FSIP1: variants seen among roughly 807,000 people sequenced by gnomAD.
FSIP1 encodes the protein fibrous sheath interacting protein 1, also known as fibrous sheath-interacting protein 1.
FSIP1 carries 65 observed loss-of-function variants against 60.9 expected under a neutral mutation model. The observed-to-expected ratio is 1.07, with a 90% CI of 0.87 to 1.31. The LOEUF is 1.31. Ranked by LOEUF, FSIP1 falls within the 40% of genes most tolerant of loss-of-function variation. The probability of loss-of-function intolerance (pLI) is 0.00; values close to 1 mark genes in which losing one functional copy is unlikely to be tolerated. For synonymous variants in FSIP1, 209 were observed against 221.2 expected, an observed-to-expected ratio of 0.94 and a Z score of 0.49; for missense variants, 675 against 665.5, an observed-to-expected ratio of 1.01 and a Z score of -0.16.
intron 2 of FSIP1, 40 bp from the exon 3 acceptor site, chr15:39,770,650 CT>C: frequency 7.6e-7 from 1 of 1,315,690 alleles, no homozygotes; most frequent in Non-Finnish European, 1.0e-6. Context: ...TCCGAAAATA[CT>C]GTCTTTTTTT....
chr15:39,643,089 T>C (rs1892444532), intron 10 of FSIP1, among the ~76,000 whole-genome samples: 1 of 152,224 alleles, frequency 6.6e-6, no homozygotes, highest in African/African-American at 2.4e-5. Context: ...ATTAATCCTT[T>C]GCACCTGAGG....
chr15:39,777,725 A>G (rs964367806), intron 1 of FSIP1, among the ~76,000 whole-genome samples: 1 of 152,200 alleles, frequency 6.6e-6, no homozygotes, highest in Non-Finnish European at 1.5e-5. Context: ...GCCCTCTCAT[A>G]CTCGGATTTA....
rs771270662 is a variant in FSIP1 at position 39,630,800 on chromosome 15, G to A, written c.1189-12555C>T. Among the ~76,000 whole-genome samples the A allele has an allele frequency of 6.6e-5, 10 of 151,970 alleles. No homozygotes were observed. In the East Asian group the frequency reaches 1.2e-3, roughly 18 times the overall value. On this transcript the variant is annotated intron_variant, in intron 10 of 11. Transcript: ENST00000350221. The stretch of plus-strand genomic sequence containing the variant: ...CAAGAGTTAGTTAAACTCCTTTTTC[G>A]AGGGGGAGCACCTGGCAGCAGCATG...
rs891257099 is a variant in FSIP1, at chr15:39,776,322, G to A, written c.126+77C>T. ...CTAAGGAGAAAATTTAAAATGGGAT[G>A]TTAACAACAACCTTAGTTTCATCAA... On this transcript the variant is annotated intron_variant, in intron 2 of 11. Transcript: ENST00000350221. 5.0e-6 allele frequency: 7 copies of A among 1,404,238 alleles called. No homozygotes were observed. In the African/African-American group the frequency reaches 7.2e-5, roughly 14 times the overall value. 87.0% of individuals were successfully genotyped at this position (1,404,238 alleles called of 1,614,324 possible).
At chr15:39,720,941 G>C (rs1342360851) in intron 9 of FSIP1, among the ~76,000 whole-genome samples, 2 of 152,210 alleles carry the variant, frequency 1.3e-5, no homozygotes, top group Non-Finnish European at 2.9e-5. Context: ...ACTACAGAAA[G>C]AGCAGTAATA....
At chr15:39,731,802 T>C (rs1566905586) in intron 8 of FSIP1, among the ~76,000 whole-genome samples, 2 of 152,178 alleles carry the variant, frequency 1.3e-5, no homozygotes, top group South Asian at 4.1e-4. Flanking sequence ...GACTCAATAC[T>C]ACTAGATGTG....
At chr15:39,709,947 T>A (rs2140544149) in intron 10 of FSIP1, among the ~76,000 whole-genome samples, 1 of 152,266 alleles carries the variant, frequency 6.6e-6, no homozygotes, top group Admixed American at 6.5e-5. Context: ...GGGGGACCCC[T>A]GCTCTAAGAA....
In FSIP1 at chr15:39,776,506, T is replaced by C. The variant is rs1898069835; in HGVS notation, c.19A>G (p.Asn7Asp). The C allele has an allele frequency of 1.2e-6, 2 of 1,611,666 alleles. No homozygotes were observed. The highest frequency in any genetic ancestry group is 1.7e-6 in the Non-Finnish European group (2 of 1,178,170). Residue 7 changes from asparagine to aspartate, a missense_variant, in exon 2 of 12, where the codon AAC (asparagine) becomes GAC (aspartate). Physicochemically the swap from Asn to Asp is conservative, Grantham distance 23. Coordinates refer to ENST00000350221, the MANE Select transcript of FSIP1 (RefSeq NM_152597.5). The stretch of plus-strand genomic sequence containing the variant: ...GCTGGTTTTGAAATTCCATCTAGGT[T>C]TCCCTTTATAATATCCATTGAAATC... MDIIKGNLDGISKPASN... is the reference protein window; with the variant it reads MDIIKGDLDGISKPASN...
At chr15:39,753,172 G>A (rs1430710921) in intron 5 of FSIP1, among the ~76,000 whole-genome samples, 1 of 152,090 alleles carries the variant, frequency 6.6e-6, no homozygotes, top group Non-Finnish European at 1.5e-5. Context: ...TATGAAGGCA[G>A]CTGAGAAAAG....
At chr15:39,665,766 G>T (rs1255810818) in intron 10 of FSIP1, among the ~76,000 whole-genome samples, 1 of 152,072 alleles carries the variant, frequency 6.6e-6, no homozygotes, top group African/African-American at 2.4e-5. Context: ...AAGTGCAGGG[G>T]TGGGTGGAGC....
In FSIP1 at chr15:39,765,527, A is replaced by G. The variant is rs1250878726; in HGVS notation, c.465+65T>C. On this transcript the variant is annotated intron_variant, in intron 4 of 11. Transcript: ENST00000350221. ...CCTAAGTGCTGGGATTACAGGTGTG[A>G]GCCACCATGCCCAGCCAGGAGAATT... 3 of 1,262,458 alleles carry G rather than the reference A, an allele frequency of 2.4e-6. No individual in the cohort carries two copies. In the African/African-American group the frequency reaches 4.6e-5, roughly 19 times the overall value. The allele number at this position is 1,262,458 out of a possible 1,614,324, so 78.2% of individuals were successfully genotyped here.
At chr15:39,714,777 T>G (rs1566897866) in intron 9 of FSIP1, among the ~76,000 whole-genome samples, 1 of 151,030 alleles carries the variant, frequency 6.6e-6, no homozygotes, top group Non-Finnish European at 1.5e-5. Flanking sequence ...GAGACCAGCC[T>G]GGGCAACACA....
rs547051073 is a variant in FSIP1 at position 39,621,110 on chromosome 15, G to T, written c.1189-2865C>A. Among the ~76,000 whole-genome samples, 26 of 150,258 alleles carry T rather than the reference G, an allele frequency of 1.7e-4. 1 individual carries two copies. Among genetic ancestry groups the T allele is most frequent in the Admixed American group, 2.6e-4 (4 of 15,110 alleles). On this transcript the variant is annotated intron_variant, in intron 10 of 11. Coordinates refer to ENST00000350221, the MANE Select transcript of FSIP1 (RefSeq NM_152597.5). ...CAAATTCAAAATTAGGTACAAAAGC[G>T]AGTTTCTTTTATTTTAGAATGTGAA...
chr15:39,703,419 C>T (rs1895140784), intron 10 of FSIP1, among the ~76,000 whole-genome samples: 1 of 152,142 alleles, frequency 6.6e-6, no homozygotes, highest in African/African-American at 2.4e-5. Context: ...AACCAAACAT[C>T]TTTAATAATT....
At chr15:39,669,601 C>A (rs1893638299) in intron 10 of FSIP1, among the ~76,000 whole-genome samples, 1 of 152,092 alleles carries the variant, frequency 6.6e-6, no homozygotes, top group Admixed American at 6.5e-5. Context: ...TAGTTGATAG[C>A]CTTTTTTAAT....
chr15:39,751,566 G>A (rs1432671976), intron 5 of FSIP1, among the ~76,000 whole-genome samples: 4 of 151,002 alleles, frequency 2.6e-5, no homozygotes, highest in South Asian at 2.1e-4. Flanking sequence ...GAAAAATACC[G>A]CATGATCATG....
intron 10 of FSIP1, among the ~76,000 whole-genome samples, chr15:39,691,997 T>C (rs1402648712): frequency 6.6e-6 from 1 of 152,222 alleles, no homozygotes; most frequent in Non-Finnish European, 1.5e-5. Flanking sequence ...TGTAAAATTT[T>C]ACAGAATGCC....
chr15:39,768,435 T>C (rs1240635525), intron 3 of FSIP1, among the ~76,000 whole-genome samples: 1 of 152,236 alleles, frequency 6.6e-6, no homozygotes, highest in East Asian at 1.9e-4. Context: ...TACTTATTAA[T>C]TCACTTTCAA....
intron 8 of FSIP1, among the ~76,000 whole-genome samples, chr15:39,737,106 A>G (rs1408184946): frequency 6.6e-6 from 1 of 152,132 alleles, no homozygotes; most frequent in Non-Finnish European, 1.5e-5. Flanking sequence ...AAAGATATAC[A>G]ATAGAGCTAA....
Sources: gnomAD v4.1 joint callset for allele counts (sites outside exome capture counted in the v4.1 genomes callset) on GRCh38, gnomAD v4.1.1 for gene constraint, MANE v1.5 for transcripts, NCBI Gene and HGNC (gene_info 2026-07-23, HGNC 2026-07-21) for gene names.